NUDT3: variants seen among roughly 807,000 people sequenced by gnomAD.
NUDT3 encodes the protein nudix hydrolase 3, also known as diphosphoinositol polyphosphate phosphohydrolase 1.
Under a neutral mutation model 23.6 loss-of-function variants are expected in NUDT3, and 9 were observed. The observed-to-expected ratio is 0.38, with a 90% CI of 0.23 to 0.66. NUDT3 has a LOEUF of 0.66. NUDT3 is among the 30% of genes least tolerant of loss of function. NUDT3 has a pLI of 0.52. For synonymous variants in NUDT3, 86 were observed against 82.6 expected (o/e 1.04, Z -0.22); for missense variants, 172 against 218.5 (o/e 0.79, Z 1.34).
chr6:34,385,478 TTG>T (rs1218074075), intron 1 of NUDT3, among the ~76,000 whole-genome samples: 1 of 152,166 alleles, frequency 6.6e-6, no homozygotes, highest in Non-Finnish European at 1.5e-5. Context: ...AGATCTTGTT[TTG>T]TTTTGTTTGT....
At chr6:34,350,530 C>A in intron 1 of NUDT3, among the ~76,000 whole-genome samples, 1 of 150,880 alleles carries the variant, frequency 6.6e-6, no homozygotes, top group Non-Finnish European at 1.5e-5. Flanking sequence ...AAGTCTTGTG[C>A]ATGATGATCC....
At chr6:34,348,749 C>T (rs1312251019) in intron 1 of NUDT3, among the ~76,000 whole-genome samples, 1 of 151,804 alleles carries the variant, frequency 6.6e-6, no homozygotes, top group Non-Finnish European at 1.5e-5. Flanking sequence ...GTACTCCAGC[C>T]TGGGTGACAG....
intron 3 of NUDT3, among the ~76,000 whole-genome samples, chr6:34,295,310 C>T (rs58837036): frequency 0.042 from 6,379 of 151,720 alleles, 202 homozygotes; most frequent in African/African-American, 0.084. Flanking sequence ...ATCGCTTAAA[C>T]GCAGGAGTTT....
chr6:34,389,156 T>G (rs1257616466), intron 1 of NUDT3, among the ~76,000 whole-genome samples: 1 of 152,156 alleles, frequency 6.6e-6, no homozygotes, highest in East Asian at 1.9e-4. Flanking sequence ...AATCACCACC[T>G]GTGGAGGGAG....
rs141093930 is a variant in NUDT3 at position 34,281,944 on chromosome 6, C to G, written c.*6809G>C. 6.6e-6 allele frequency: 1 copy of G among 152,318 alleles called. No homozygotes were observed. The highest frequency in any genetic ancestry group is 2.4e-5 in the African/African-American group (1 of 41,570). The allele number at this position is 152,318 out of a possible 1,614,324, so 9.4% of individuals were successfully genotyped here. ...CTCTTGCTCATTAAGCAAAGGCCCT[C>G]CAAGTCTCCTTTTTACTTCAGCACT... On this transcript the variant is annotated 3_prime_UTR_variant, in exon 5 of 5. Coordinates refer to ENST00000607016, the MANE Select transcript of NUDT3 (RefSeq NM_006703.4).
chr6:34,292,858 G>A (rs1168598195), intron 4 of NUDT3, among the ~76,000 whole-genome samples: 2 of 152,170 alleles, frequency 1.3e-5, no homozygotes, highest in East Asian at 3.8e-4. Context: ...AGGTGCAGAA[G>A]TATAGCCCTT....
chr6:34,352,184 A>G (rs1764489221), intron 1 of NUDT3, among the ~76,000 whole-genome samples: 1 of 152,148 alleles, frequency 6.6e-6, no homozygotes, highest in Non-Finnish European at 1.5e-5. Flanking sequence ...TTATTTTTTG[A>G]GACAGGGTCT....
intron 2 of NUDT3, among the ~76,000 whole-genome samples, chr6:34,336,779 T>G (rs542849653): frequency 2.0e-5 from 3 of 152,182 alleles, no homozygotes; most frequent in African/African-American, 7.2e-5. Context: ...TCAAATATAT[T>G]AAACGTATAA....
At chr6:34,296,884 T>C (rs192072983) in intron 2 of NUDT3, among the ~76,000 whole-genome samples, 1 of 150,166 alleles carries the variant, frequency 6.7e-6, no homozygotes, top group East Asian at 2.0e-4. Flanking sequence ...ATACACAGAG[T>C]GATGTGATGA....
At chr6:34,352,905 C>A (rs992983128) in intron 1 of NUDT3, among the ~76,000 whole-genome samples, 1 of 152,170 alleles carries the variant, frequency 6.6e-6, no homozygotes, top group African/African-American at 2.4e-5. Context: ...ATCTAAAATT[C>A]TTTCAGCATT....
chr6:34,330,139 A>C (rs1036339772), intron 2 of NUDT3, among the ~76,000 whole-genome samples: 10 of 152,230 alleles, frequency 6.6e-5, no homozygotes, highest in African/African-American at 9.6e-5. Context: ...TAGCAGCATG[A>C]TTTATAATCC....
intron 1 of NUDT3, among the ~76,000 whole-genome samples, chr6:34,363,300 C>A (rs905677056): frequency 6.6e-6 from 1 of 152,136 alleles, no homozygotes; most frequent in Non-Finnish European, 1.5e-5. Flanking sequence ...TAAAAGATTA[C>A]CTGGGTTCCT....
intron 1 of NUDT3, among the ~76,000 whole-genome samples, chr6:34,363,581 T>C (rs1764680988): frequency 1.3e-5 from 2 of 152,018 alleles, no homozygotes; most frequent in African/African-American, 4.8e-5. Context: ...CCAAAATAGA[T>C]GTATTAAGCA....
chr6:34,353,727 G>A (rs996850316), intron 1 of NUDT3, among the ~76,000 whole-genome samples: 1 of 151,866 alleles, frequency 6.6e-6, no homozygotes, highest in Non-Finnish European at 1.5e-5. Context: ...TTTTAAGACA[G>A]GATCTCGTTC....
chr6:34,337,226 T>C (rs1372313502), intron 2 of NUDT3, among the ~76,000 whole-genome samples: 1 of 152,228 alleles, frequency 6.6e-6, no homozygotes, highest in African/African-American at 2.4e-5. Context: ...GATATGATGA[T>C]ATGATTCTCC....
At chr6:34,388,280 C>T (rs1457402885) in intron 1 of NUDT3, among the ~76,000 whole-genome samples, 2 of 152,194 alleles carry the variant, frequency 1.3e-5, no homozygotes, top group Non-Finnish European at 2.9e-5. Context: ...TTAAGCGACA[C>T]ATGGCTGTAT....
intron 1 of NUDT3, among the ~76,000 whole-genome samples, chr6:34,384,616 G>A (rs766082049): frequency 6.6e-6 from 1 of 152,112 alleles, no homozygotes; most frequent in African/African-American, 2.4e-5. Flanking sequence ...GGCCAAAGTT[G>A]AATAATATGA....
At chr6:34,297,844 C>T (rs1052547703) in intron 2 of NUDT3, among the ~76,000 whole-genome samples, 8 of 145,810 alleles carry the variant, frequency 5.5e-5, no homozygotes, top group African/African-American at 2.0e-4. Context: ...ATCTGCCCGC[C>T]TCAGCCTCCC....
intron 1 of NUDT3, among the ~76,000 whole-genome samples, chr6:34,356,348 A>G (rs1197296935): frequency 6.6e-6 from 1 of 152,218 alleles, no homozygotes; most frequent in Non-Finnish European, 1.5e-5. Flanking sequence ...TATCCTTTCG[A>G]TATCTGTAAA....
Sources: gnomAD v4.1 joint callset for allele counts (sites outside exome capture counted in the v4.1 genomes callset) on GRCh38, gnomAD v4.1.1 for gene constraint, MANE v1.5 for transcripts, NCBI Gene and HGNC (gene_info 2026-07-23, HGNC 2026-07-21) for gene names.